The following RNF130 variants were observed in gnomAD, a reference collection of about 807,000 sequenced individuals.
RNF130 encodes E3 ubiquitin-protein ligase RNF130.
A neutral mutation model predicts 44.6 loss-of-function variants in RNF130; 21 were observed. That is an observed-to-expected ratio of 0.47 (90% CI 0.33 to 0.68). The LOEUF is 0.68. Ranked by LOEUF, RNF130 falls within the 30% of genes least tolerant of loss-of-function variation. RNF130 has a pLI of 0.02. For missense variants in RNF130, 479 were observed against 560.6 expected, an observed-to-expected ratio of 0.85 and a Z score of 1.47; for synonymous variants, 214 against 210.4, an observed-to-expected ratio of 1.02 and a Z score of -0.15.
downstream of RNF130, among the ~76,000 whole-genome samples, chr5:179,951,752 A>G (rs1297595888): frequency 6.6e-6 from 1 of 152,222 alleles, no homozygotes; most frequent in Non-Finnish European, 1.5e-5. Context: ...TGAAATTGGA[A>G]ATCTACAACA....
intron 7 of RNF130, among the ~76,000 whole-genome samples, chr5:179,937,933 T>TGTGTGAGAGAGAGA (rs1268947878): frequency 1.5e-4 from 17 of 116,290 alleles, no homozygotes; most frequent in African/African-American, 4.5e-4. Context: ...TGTGTGTGTG[T>TGTGTGAGAGAGAGA]GAGAGAGAGA....
chr5:180,038,772 ACT>A (rs1202315588), intron 2 of RNF130, among the ~76,000 whole-genome samples: 1 of 151,960 alleles, frequency 6.6e-6, no homozygotes, highest in Non-Finnish European at 1.5e-5. Context: ...TTATTAAAAG[ACT>A]CTCATTCTAG....
chr5:180,024,330 G>A (rs1397985277), intron 2 of RNF130, among the ~76,000 whole-genome samples: 1 of 152,164 alleles, frequency 6.6e-6, no homozygotes, highest in East Asian at 1.9e-4. Flanking sequence ...AGTTCCCTGT[G>A]GTACAACAAA....
chr5:180,060,946 G>A (rs1764969935), intron 1 of RNF130, among the ~76,000 whole-genome samples: 3 of 151,884 alleles, frequency 2.0e-5, no homozygotes, highest in Non-Finnish European at 4.4e-5. Flanking sequence ...GTGGGCGCCT[G>A]TAGTCCCAGC....
intron 4 of RNF130, among the ~76,000 whole-genome samples, chr5:179,979,074 CTG>C (rs1333254602): frequency 6.6e-6 from 1 of 151,892 alleles, no homozygotes; most frequent in African/African-American, 2.4e-5. Context: ...AAGGAAATAA[CTG>C]TGCTGGCCCG....
intron 2 of RNF130, 94 bp downstream of exon 2, chr5:180,040,358 GA>G (rs1323660755): frequency 1.7e-6 from 2 of 1,163,142 alleles, no homozygotes; most frequent in Non-Finnish European, 2.5e-6. Context: ...GATTATGTTG[GA>G]AATTACATGG....
chr5:179,947,904 G>A (rs920416526), intron 7 of RNF130, among the ~76,000 whole-genome samples: 7 of 152,224 alleles, frequency 4.6e-5, no homozygotes, highest in African/African-American at 1.7e-4. Flanking sequence ...GTAAGAATAT[G>A]GGTGTGTATG....
chr5:179,988,042 G>A (rs909713955), intron 3 of RNF130, among the ~76,000 whole-genome samples: 6 of 152,202 alleles, frequency 3.9e-5, no homozygotes, highest in Admixed American at 2.0e-4. Flanking sequence ...AAGAACTGAC[G>A]TTAATTCTCC....
intron 1 of RNF130, among the ~76,000 whole-genome samples, chr5:180,047,010 C>G (rs200589829): frequency 3.3e-5 from 1 of 30,424 alleles, no homozygotes; most frequent in South Asian, 2.4e-3. Flanking sequence ...GCAAAGAGTT[C>G]TCTGTTTCAC....
At chr5:180,031,357 C>T (rs974674220) in intron 2 of RNF130, among the ~76,000 whole-genome samples, 2 of 152,040 alleles carry the variant, frequency 1.3e-5, no homozygotes, top group African/African-American at 2.4e-5. Flanking sequence ...CATGGTGGCA[C>T]GCACCTGTAA....
chr5:179,972,857 T>G (rs955720355), intron 5 of RNF130, among the ~76,000 whole-genome samples: 1 of 152,190 alleles, frequency 6.6e-6, no homozygotes, highest in African/African-American at 2.4e-5. Flanking sequence ...TAAATATGTT[T>G]GGGTTCTTGA....
intron 3 of RNF130, among the ~76,000 whole-genome samples, chr5:179,982,031 A>C (rs1762851613): frequency 6.6e-6 from 1 of 151,978 alleles, no homozygotes; most frequent in South Asian, 2.1e-4. Flanking sequence ...CCACATCCCC[A>C]AACTTCTTTG....
chr5:179,990,412 G>C (rs1763053751), intron 3 of RNF130, among the ~76,000 whole-genome samples: 1 of 152,228 alleles, frequency 6.6e-6, no homozygotes, highest in African/African-American at 2.4e-5. Context: ...TTGCTATCTA[G>C]AGGGCGGAGC....
At chr5:179,947,790 T>C (rs1458253787) in intron 7 of RNF130, among the ~76,000 whole-genome samples, 2 of 152,222 alleles carry the variant, frequency 1.3e-5, no homozygotes, top group African/African-American at 2.4e-5. Context: ...TAGGTATACA[T>C]TGATATAGCA....
intron 7 of RNF130, among the ~76,000 whole-genome samples, chr5:179,949,185 G>A (rs1213937466): frequency 2.0e-5 from 3 of 151,724 alleles, no homozygotes; most frequent in East Asian, 1.9e-4. Context: ...GGCTGATCTC[G>A]AACTCCTGAC....
intron 7 of RNF130, among the ~76,000 whole-genome samples, chr5:179,949,961 C>T (rs1762100635): frequency 6.6e-6 from 1 of 152,218 alleles, no homozygotes; most frequent in Admixed American, 6.5e-5. Context: ...GATACTTTAA[C>T]TTCTCCAGAG....
chr5:179,939,789 T>C (rs1761946938), intron 7 of RNF130: 13 of 413,514 alleles, frequency 3.1e-5, no homozygotes, highest in South Asian at 2.7e-4. Context: ...CCCAAAAAAG[T>C]CCTCAAATGG....
In RNF130 at chr5:180,020,795, G is replaced by A. The variant is rs578062793; in HGVS notation, c.443-7484C>T. Among the ~76,000 whole-genome samples the A allele has an allele frequency of 5.3e-5, 8 of 152,258 alleles. No individual in the cohort carries two copies. In the South Asian group the frequency reaches 1.5e-3, roughly 28 times the overall value. ...CTTCCTTCACACACAGAGGCAGAAG[G>A]GGGGTGGGCACTGAAGAAGACAAGC... On this transcript the variant is annotated intron_variant, in intron 2 of 8. Coordinates refer to ENST00000521389, the MANE Select transcript of RNF130 (RefSeq NM_018434.6).
intron 1 of RNF130, among the ~76,000 whole-genome samples, chr5:180,066,776 T>C (rs971618710): frequency 6.6e-6 from 1 of 151,928 alleles, no homozygotes; most frequent in Admixed American, 6.6e-5. Context: ...GAGGTTGCGG[T>C]GAGCCGAGAT....
Sources: allele counts gnomAD v4.1 joint callset (sites outside exome capture counted in the v4.1 genomes callset), GRCh38; gene constraint gnomAD v4.1.1; transcripts MANE v1.5; gene names NCBI Gene and HGNC (gene_info 2026-07-23, HGNC 2026-07-21).